SYNPR: variants seen among roughly 807,000 people sequenced by gnomAD.
The protein encoded by SYNPR is synaptoporin.
A neutral mutation model predicts 32.9 loss-of-function variants in SYNPR; 23 were observed. That is an observed-to-expected ratio of 0.70 (90% CI 0.50 to 0.99). SYNPR has a LOEUF of 0.99. SYNPR is among the 50% of genes least tolerant of loss of function. The pLI, the probability that SYNPR is intolerant of heterozygous loss-of-function variation, is 0.00. For synonymous variants in SYNPR, 146 were observed against 135.9 expected (o/e 1.07, Z -0.52); for missense variants, 318 against 349.3 (o/e 0.91, Z 0.71).
At chr3:63,395,266 G>A (rs2088196653) in intron 2 of SYNPR, among the ~76,000 whole-genome samples, 1 of 152,138 alleles carries the variant, frequency 6.6e-6, no homozygotes, top group African/African-American at 2.4e-5. Context: ...ATTGATTCTT[G>A]CCTCTATTGA....
In SYNPR at chr3:63,335,766, C is replaced by CTTTTTTTTT. The variant is rs3082128; in HGVS notation, c.84+57040_84+57048dup. 8.4e-3 allele frequency among the ~76,000 whole-genome samples: 770 copies of CTTTTTTTTT among 91,274 alleles called. 63 individuals carry two copies. The highest frequency in any genetic ancestry group is 0.012 in the Non-Finnish European group (545 of 47,122). 59.9% of individuals were successfully genotyped at this position (91,274 alleles called of 152,430 possible). On this transcript the variant is annotated intron_variant, in intron 2 of 5. Transcript: ENST00000478300. ...ACACACTCAAGTCCATATTAGCTTC[C>CTTTTTTTTT]TTTTTTTTTTTTTTTTTTTTTTTTG...
intron 3 of SYNPR, among the ~76,000 whole-genome samples, chr3:63,539,923 C>A (rs2106801723): frequency 6.6e-6 from 1 of 152,120 alleles, no homozygotes; most frequent in Non-Finnish European, 1.5e-5. Context: ...GGGCTGAATC[C>A]AAAAATGTTA....
intron 2 of SYNPR, among the ~76,000 whole-genome samples, chr3:63,469,098 C>G (rs949967617): frequency 1.3e-5 from 2 of 151,836 alleles, no homozygotes; most frequent in African/African-American, 4.8e-5. Flanking sequence ...AAAGACATGC[C>G]AAATGTATTG....
chr3:63,582,182 GAAT>G (rs1398639665), intron 4 of SYNPR, among the ~76,000 whole-genome samples: 1 of 152,062 alleles, frequency 6.6e-6, no homozygotes, highest in Non-Finnish European at 1.5e-5. Context: ...TCAAAAACTG[GAAT>G]AATATTATGA....
chr3:63,508,763 T>A (rs1341306571), intron 3 of SYNPR, among the ~76,000 whole-genome samples: 1 of 151,986 alleles, frequency 6.6e-6, no homozygotes, highest in African/African-American at 2.4e-5. Context: ...AAGTACAAAT[T>A]AAAGGATGGC....
In SYNPR at chr3:63,607,352, T is replaced by C. The variant is rs959427945; in HGVS notation, c.409-1773T>C. On this transcript the variant is annotated intron_variant, in intron 4 of 5. Coordinates refer to ENST00000478300, the MANE Select transcript of SYNPR (RefSeq NM_001130003.2). Reference sequence around the variant, plus strand: ...AACAGAAAGTCATGATTTGACACAGTCAGTCTGGCTTATTTATTTGTAACT... The same window carrying C: ...AACAGAAAGTCATGATTTGACACAGCCAGTCTGGCTTATTTATTTGTAACT... Among the ~76,000 whole-genome samples the C allele has an allele frequency of 5.6e-4, 85 of 152,208 alleles. 2 individuals carry two copies. Among genetic ancestry groups the C allele is most frequent in the South Asian group, 4.1e-4 (2 of 4,834 alleles).
In SYNPR at chr3:63,556,727, C is replaced by T. The variant is rs768940448; in HGVS notation, c.394C>T (p.Arg132Trp). The T allele has an allele frequency of 9.9e-6, 16 of 1,612,740 alleles. No homozygotes were observed. The highest frequency in any genetic ancestry group is 3.3e-5 in the South Asian group (3 of 90,880). ...CCAGAACAAATACCGGGAAAACAAC[C>T]GGGGCCCACTCATTGTAAGTGGTTT... ...FFQNKYRENN[R>W]GPLIDFIVTV... The change falls in exon 4 of 6, where the codon CGG (arginine) becomes TGG (tryptophan). Residue 132 changes from arginine (R) to tryptophan (W), a missense_variant. Transcript: ENST00000478300.
At chr3:63,316,373 T>A (rs2087043548) in intron 2 of SYNPR, among the ~76,000 whole-genome samples, 1 of 151,988 alleles carries the variant, frequency 6.6e-6, no homozygotes, top group Non-Finnish European at 1.5e-5. Flanking sequence ...CTGGACTTTT[T>A]TTTGTTTGTA....
At chr3:63,457,369 T>A (rs1000649742) in intron 2 of SYNPR, among the ~76,000 whole-genome samples, 1 of 152,080 alleles carries the variant, frequency 6.6e-6, no homozygotes, top group Non-Finnish European at 1.5e-5. Flanking sequence ...TTATTTTTTA[T>A]TTTTTATTCC....
chr3:63,467,296 G>A (rs942500983), intron 2 of SYNPR, among the ~76,000 whole-genome samples: 2 of 152,194 alleles, frequency 1.3e-5, no homozygotes, highest in Admixed American at 6.5e-5. Context: ...TTGGTCACCT[G>A]CCAGTAGTGT....
At chr3:63,240,542 T>C (rs899794122) in intron 1 of SYNPR, among the ~76,000 whole-genome samples, 1 of 152,144 alleles carries the variant, frequency 6.6e-6, no homozygotes, top group Admixed American at 6.6e-5. Context: ...GAATAAGGTG[T>C]GGCAATATGT....
At chr3:63,265,863 ATTTGT>A (rs966312950) in intron 2 of SYNPR, among the ~76,000 whole-genome samples, 13 of 152,270 alleles carry the variant, frequency 8.5e-5, no homozygotes, top group Admixed American at 2.6e-4. Context: ...GAGATTTTTC[ATTTGT>A]TTTAAGAAAT....
At chr3:63,416,529 CT>C (rs1237268908) in intron 2 of SYNPR, among the ~76,000 whole-genome samples, 2 of 55,352 alleles carry the variant, frequency 3.6e-5, no homozygotes, top group Non-Finnish European at 6.5e-5. Flanking sequence ...GAGACTCTGT[CT>C]TAAAAAAAAA....
intron 2 of SYNPR, among the ~76,000 whole-genome samples, chr3:63,433,539 A>C (rs1700027995): frequency 6.6e-6 from 1 of 152,150 alleles, no homozygotes; most frequent in African/African-American, 2.4e-5. Context: ...GTTTTGTCTT[A>C]TATTTATGGA....
chr3:63,509,288 G>A (rs202000920), intron 3 of SYNPR, among the ~76,000 whole-genome samples: 38,164 of 147,628 alleles, frequency 0.26, 5,908 homozygotes, highest in African/African-American at 0.45. Flanking sequence ...ATATGTGTGT[G>A]TATATATATA....
intron 2 of SYNPR, among the ~76,000 whole-genome samples, chr3:63,287,116 G>A (rs777471801): frequency 5.3e-5 from 8 of 152,118 alleles, no homozygotes; most frequent in African/African-American, 1.7e-4. Context: ...GCTGCCAGTC[G>A]AATGTAATGA....
chr3:63,247,811 C>A (rs2086303413), intron 1 of SYNPR, among the ~76,000 whole-genome samples: 1 of 152,088 alleles, frequency 6.6e-6, no homozygotes, highest in African/African-American at 2.4e-5. Context: ...GGTCAGAACA[C>A]TGGGAAGTGC....
At chr3:63,288,620 A>G (rs923012731) in intron 2 of SYNPR, among the ~76,000 whole-genome samples, 1 of 152,230 alleles carries the variant, frequency 6.6e-6, no homozygotes, top group Non-Finnish European at 1.5e-5. Context: ...TTGCCTAATG[A>G]TAAGATGATT....
At chr3:63,298,294 T>G (rs899794090) in intron 2 of SYNPR, among the ~76,000 whole-genome samples, 1 of 152,184 alleles carries the variant, frequency 6.6e-6, no homozygotes, top group African/African-American at 2.4e-5. Context: ...AAAGGTGGTT[T>G]CATCTTCATC....
Sources: allele counts gnomAD v4.1 joint callset (sites outside exome capture counted in the v4.1 genomes callset), GRCh38; gene constraint gnomAD v4.1.1; transcripts MANE v1.5; gene names NCBI Gene and HGNC (gene_info 2026-07-23, HGNC 2026-07-21).